IFI44L: variants seen among roughly 807,000 people sequenced by gnomAD.
IFI44L encodes interferon induced protein 44 like, also known as interferon-induced protein 44-like.
A neutral mutation model predicts 39.3 loss-of-function variants in IFI44L; 40 were observed. That is an observed-to-expected ratio of 1.02 (90% CI 0.79 to 1.33). IFI44L has a LOEUF of 1.33. Ranked by LOEUF, IFI44L falls within the 40% of genes most tolerant of loss-of-function variation. The pLI, the probability that IFI44L is intolerant of heterozygous loss-of-function variation, is 0.00. For synonymous variants in IFI44L, 198 were observed against 182.3 expected, an observed-to-expected ratio of 1.09 and a Z score of -0.69; for missense variants, 623 against 549.0, an observed-to-expected ratio of 1.13 and a Z score of -1.35.
intron 3 of IFI44L, 143 bp from the exon 4 acceptor site, chr1:78,629,577 A>C (rs999793867): frequency 1.9e-6 from 1 of 517,954 alleles, no homozygotes; most frequent in Non-Finnish European, 3.3e-6. Context: ...ATTATAGAAG[A>C]TCTCATTATC....
intron 4 of IFI44L, among the ~76,000 whole-genome samples, chr1:78,635,052 G>C (rs1392287022): frequency 6.7e-6 from 1 of 148,848 alleles, no homozygotes; most frequent in African/African-American, 2.5e-5. Flanking sequence ...ATACACACAC[G>C]TTTTACATGA....
intron 6 of IFI44L, among the ~76,000 whole-genome samples, 177 bp downstream of exon 6, chr1:78,637,380 T>C (rs1479449987): frequency 6.6e-6 from 1 of 152,084 alleles, no homozygotes; most frequent in Non-Finnish European, 1.5e-5. Flanking sequence ...CAAATCCTAA[T>C]GTTCAGTCTT....
rs1647002347 is a variant in IFI44L at position 78,642,706 on chromosome 1, CTAAG to C, written c.*901_*904del. 6.6e-6 allele frequency: 1 copy of C among 152,078 alleles called. No homozygotes were observed. 9.4% of individuals were successfully genotyped at this position (152,078 alleles called of 1,614,324 possible). ...TATCTGAATGAAAATATGAATGACTCTAAGTAATTGAATTAATTAAAATGAGCCA... is the reference window on the plus strand; with the variant it reads ...TATCTGAATGAAAATATGAATGACTCTAATTGAATTAATTAAAATGAGCCA... On this transcript the variant is annotated 3_prime_UTR_variant, in exon 9 of 9. Coordinates refer to ENST00000370751, the MANE Select transcript of IFI44L (RefSeq NM_006820.4).
intron 4 of IFI44L, among the ~76,000 whole-genome samples, chr1:78,633,694 G>A (rs971179710): frequency 2.6e-5 from 4 of 152,112 alleles, no homozygotes; most frequent in Non-Finnish European, 4.4e-5. Context: ...GTAACATGAC[G>A]TCAGTAAAGA....
rs145668650 is a variant in IFI44L at position 78,640,937 on chromosome 1, A to G, written c.1049-84A>G. ...TCTTCAGCTCTCAAAATCACCCTATAGAGTTGCCTTCACACATATTTAATA... is the reference window on the plus strand; with the variant it reads ...TCTTCAGCTCTCAAAATCACCCTATGGAGTTGCCTTCACACATATTTAATA... On this transcript the variant is annotated intron_variant, in intron 6 of 8. Transcript: ENST00000370751. 2.5e-4 allele frequency: 231 copies of G among 906,812 alleles called. 1 individual carries two copies. The East Asian group carries it at 5.6e-3, about 22-fold the overall frequency. 56.2% of individuals were successfully genotyped at this position (906,812 alleles called of 1,614,324 possible).
intron 1 of IFI44L, among the ~76,000 whole-genome samples, chr1:78,625,017 T>C (rs192233435): frequency 4.2e-4 from 64 of 152,224 alleles, no homozygotes; most frequent in Non-Finnish European, 8.1e-4. Flanking sequence ...CAGCATGCTG[T>C]TGTATTTTGT....
chr1:78,635,164 A>C (rs1652896927), intron 4 of IFI44L, among the ~76,000 whole-genome samples, 173 bp from the exon 5 acceptor site: 1 of 152,038 alleles, frequency 6.6e-6, no homozygotes, highest in African/African-American at 2.4e-5. Context: ...AACCCACATA[A>C]ACAACAGATC....
At chr1:78,634,829 G>A (rs1479295673) in intron 4 of IFI44L, among the ~76,000 whole-genome samples, 1 of 151,666 alleles carries the variant, frequency 6.6e-6, no homozygotes, top group East Asian at 1.9e-4. Flanking sequence ...GAGTAAAAAT[G>A]TGGAGTGTTT....
chr1:78,639,543 A>G (rs1470147606), intron 6 of IFI44L, among the ~76,000 whole-genome samples: 2 of 152,114 alleles, frequency 1.3e-5, no homozygotes, highest in African/African-American at 4.8e-5. Context: ...TCTGGGACAT[A>G]TGAAGTAAAA....
intron 1 of IFI44L, among the ~76,000 whole-genome samples, chr1:78,623,256 G>T (rs925028191): frequency 2.0e-5 from 3 of 152,048 alleles, no homozygotes; most frequent in Non-Finnish European, 4.4e-5. Context: ...GGTAAAAGTG[G>T]ATAATCTTGT....
At chr1:78,632,285 A>G (rs1652777863) in intron 4 of IFI44L, among the ~76,000 whole-genome samples, 1 of 152,196 alleles carries the variant, frequency 6.6e-6, no homozygotes, top group African/African-American at 2.4e-5. Flanking sequence ...ACAAAATTTG[A>G]GCTTTTGAGA....
chr1:78,641,366 G>T (rs1276614477), intron 7 of IFI44L, 69 bp from the exon 8 acceptor site: 9 of 1,415,448 alleles, frequency 6.4e-6, no homozygotes, highest in Non-Finnish European at 8.7e-6. Flanking sequence ...TTCTTAAATT[G>T]TATTTAAAAT....
intron 4 of IFI44L, among the ~76,000 whole-genome samples, chr1:78,634,459 T>A (rs2100496685): frequency 6.6e-6 from 1 of 152,018 alleles, no homozygotes. Flanking sequence ...AACAAACCCA[T>A]CCAATTGAGA....
chr1:78,634,588 A>T (rs1438917701), intron 4 of IFI44L, among the ~76,000 whole-genome samples: 1 of 152,166 alleles, frequency 6.6e-6, no homozygotes, highest in Non-Finnish European at 1.5e-5. Context: ...TGTTAAAGCG[A>T]GTTTTTCAAG....
In IFI44L at chr1:78,645,707, C is replaced by G. The variant is rs531541310; in HGVS notation, c.*3898C>G. The G allele has an allele frequency of 6.6e-6, 1 of 152,284 alleles. No individual in the cohort carries two copies. The highest frequency in any genetic ancestry group is 1.9e-4 in the East Asian group (1 of 5,188). 9.4% of individuals were successfully genotyped at this position (152,284 alleles called of 1,614,324 possible). A position where few individuals can be genotyped will look rare whatever the true frequency, so the allele number is the denominator to read the frequency against. ...AAATCCCATTCCTAATCTGATGAGTCTATGGACCAATTTGTGGAGGACAGT... is the reference window on the plus strand; with the variant it reads ...AAATCCCATTCCTAATCTGATGAGTGTATGGACCAATTTGTGGAGGACAGT... On this transcript the variant is annotated 3_prime_UTR_variant, in exon 9 of 9. Coordinates refer to ENST00000370751, the MANE Select transcript of IFI44L (RefSeq NM_006820.4).
Position 78,623,484 on chromosome 1 carries a change from C to T in IFI44L, c.-11+2913C>T, listed in dbSNP as rs1488986600. On this transcript the variant is annotated intron_variant, in intron 1 of 8. Transcript: ENST00000370751. ...TCTTTTCTGTATCTATTGAGATGAC[C>T]AATTTGTATTAGTCAGCGTTCTTCA... is the stretch of plus-strand genomic sequence containing the variant. 3.6e-4 allele frequency among the ~76,000 whole-genome samples: 51 copies of T among 142,010 alleles called. 1 individual carries two copies. The Admixed American group carries it at 3.7e-3, about 10-fold the overall frequency. 93.2% of individuals were successfully genotyped at this position (142,010 alleles called of 152,430 possible). A position where few individuals can be genotyped will look rare whatever the true frequency, so the allele number is the denominator to read the frequency against.
At position 78,643,576 on chromosome 1, in the gene IFI44L, A is replaced by G. The variant is rs1176161453; in HGVS notation, c.*1767A>G. The G allele has an allele frequency of 6.6e-6, 1 of 151,540 alleles. No individual in the cohort carries two copies. Among genetic ancestry groups the G allele is most frequent in the African/African-American group, 2.4e-5 (1 of 41,232 alleles). The allele number at this position is 151,540 out of a possible 1,614,324, so 9.4% of individuals were successfully genotyped here. On this transcript the variant is annotated 3_prime_UTR_variant, in exon 9 of 9. Coordinates refer to ENST00000370751, the MANE Select transcript of IFI44L (RefSeq NM_006820.4). Reference sequence around the variant, plus strand: ...TCTGGAGCTGCTGATTTGTTGGGGTATAGGGAATGAAATGAAACATACAGA... The same window carrying G: ...TCTGGAGCTGCTGATTTGTTGGGGTGTAGGGAATGAAATGAAACATACAGA...
intron 6 of IFI44L, among the ~76,000 whole-genome samples, chr1:78,639,063 C>G (rs184181434): frequency 6.6e-6 from 1 of 152,176 alleles, no homozygotes; most frequent in African/African-American, 2.4e-5. Context: ...GATACCCTGA[C>G]ATCACAGGGG....
At chr1:78,625,441 G>A (rs1156563295) in intron 1 of IFI44L, among the ~76,000 whole-genome samples, 1 of 151,948 alleles carries the variant, frequency 6.6e-6, no homozygotes, top group African/African-American at 2.4e-5. Flanking sequence ...TTTATCTTCA[G>A]ACCATTTTAT....
Sources: gnomAD v4.1 joint callset for allele counts (sites outside exome capture counted in the v4.1 genomes callset) on GRCh38, gnomAD v4.1.1 for gene constraint, MANE v1.5 for transcripts, NCBI Gene and HGNC (gene_info 2026-07-23, HGNC 2026-07-21) for gene names.